PRRX2: variants seen among roughly 807,000 people sequenced by gnomAD.
PRRX2 encodes paired related homeobox 2.
A neutral mutation model predicts 18.0 loss-of-function variants in PRRX2; 11 were observed. The observed-to-expected ratio is 0.61, with a 90% CI of 0.39 to 1.01. The LOEUF (loss-of-function observed/expected upper bound fraction) is 1.01. PRRX2 is among the 50% of genes least tolerant of loss of function. PRRX2 has a pLI of 0.01. For missense variants in PRRX2, 387 were observed against 351.0 expected, an observed-to-expected ratio of 1.10 and a Z score of -0.82; for synonymous variants, 177 against 154.8, an observed-to-expected ratio of 1.14 and a Z score of -1.06.
At chr9:129,677,357 T>C (rs1482211832) in intron 1 of PRRX2, among the ~76,000 whole-genome samples, 1 of 152,218 alleles carries the variant, frequency 6.6e-6, no homozygotes, top group Non-Finnish European at 1.5e-5. Context: ...AAATACGCAG[T>C]GATCCCCAGA....
chr9:129,720,298 G>A (rs556294439), intron 2 of PRRX2, among the ~76,000 whole-genome samples: 1 of 150,274 alleles, frequency 6.7e-6, no homozygotes, highest in South Asian at 2.1e-4. Flanking sequence ...CTCAGCAAGC[G>A]CCTTTCCCCG....
chr9:129,713,563 C>T (rs925420731), intron 1 of PRRX2, among the ~76,000 whole-genome samples: 2 of 152,098 alleles, frequency 1.3e-5, no homozygotes, highest in Non-Finnish European at 2.9e-5. Flanking sequence ...GAGGAGGCCC[C>T]GTGAAGAGGG....
At chr9:129,674,150 G>A (rs1010271041) in intron 1 of PRRX2, among the ~76,000 whole-genome samples, 2 of 152,144 alleles carry the variant, frequency 1.3e-5, no homozygotes, top group African/African-American at 4.8e-5. Flanking sequence ...CTGGGTCCCT[G>A]GTTGCTCTCG....
chr9:129,721,119 G>A (rs1832786289), intron 3 of PRRX2, among the ~76,000 whole-genome samples: 1 of 152,226 alleles, frequency 6.6e-6, no homozygotes, highest in Non-Finnish European at 1.5e-5. Flanking sequence ...GGAGCCGGGA[G>A]AAAACAGGCC....
At chr9:129,704,962 G>A (rs765925446) in intron 1 of PRRX2, among the ~76,000 whole-genome samples, 6 of 152,192 alleles carry the variant, frequency 3.9e-5, no homozygotes, top group African/African-American at 1.4e-4. Flanking sequence ...AACAGTTAAC[G>A]AGGGCAGCTT....
chr9:129,668,634 G>C (rs555549693), intron 1 of PRRX2, among the ~76,000 whole-genome samples: 1 of 151,666 alleles, frequency 6.6e-6, no homozygotes, highest in African/African-American at 2.4e-5. Context: ...AAAATTAGCC[G>C]GGTGTGGTGG....
intron 1 of PRRX2, among the ~76,000 whole-genome samples, chr9:129,699,458 T>C (rs1283302414): frequency 1.3e-5 from 2 of 151,746 alleles, no homozygotes; most frequent in African/African-American, 4.8e-5. Flanking sequence ...TGTGTGTGTG[T>C]GTGTGTGTGT....
At chr9:129,691,331 C>CA (rs57839880) in intron 1 of PRRX2, among the ~76,000 whole-genome samples, 2,754 of 142,278 alleles carry the variant, frequency 0.019, 77 homozygotes, top group African/African-American at 0.066. Flanking sequence ...GCGACTCTGT[C>CA]AAAAAAAAAA....
chr9:129,698,728 C>A (rs1053626037), intron 1 of PRRX2, among the ~76,000 whole-genome samples: 7 of 152,206 alleles, frequency 4.6e-5, no homozygotes, highest in African/African-American at 1.7e-4. Context: ...CATCTGAGGC[C>A]CTATGGGCCC....
In PRRX2 at chr9:129,695,893, C is replaced by G. The variant is rs987642295; in HGVS notation, c.260-23338C>G. ...AACCTCTGCTGTCATGTAAGCAGCT[C>G]AGAAAAAAACACTCTTCTCCCATTT... is the stretch of plus-strand genomic sequence containing the variant. On this transcript the variant is annotated intron_variant, in intron 1 of 3. Coordinates refer to ENST00000372469, the MANE Select transcript of PRRX2 (RefSeq NM_016307.4). The surrounding 1 kb of genome is among the most constrained non-coding windows in gnomAD (Gnocchi z 4.8). Among the ~76,000 whole-genome samples the G allele has an allele frequency of 6.6e-5, 10 of 152,010 alleles. No homozygotes were observed. Among genetic ancestry groups the G allele is most frequent in the Non-Finnish European group, 1.2e-4 (8 of 67,994 alleles).
At chr9:129,666,934 GGCCCCTGAAGTGT>G (rs1252557645) in intron 1 of PRRX2, among the ~76,000 whole-genome samples, 1 of 152,174 alleles carries the variant, frequency 6.6e-6, no homozygotes, top group African/African-American at 2.4e-5. Context: ...GGGGGCTCTG[GGCCCCTGAAGTGT>G]GCCCGCCTGA....
intron 1 of PRRX2, among the ~76,000 whole-genome samples, chr9:129,668,099 G>A (rs1254167554): frequency 1.3e-5 from 2 of 152,184 alleles, no homozygotes; most frequent in Non-Finnish European, 2.9e-5. Flanking sequence ...GAGAGTCCCT[G>A]GGCTCCGCCC....
intron 1 of PRRX2, among the ~76,000 whole-genome samples, chr9:129,673,540 T>A (rs1199615999): frequency 1.3e-5 from 2 of 152,120 alleles, no homozygotes; most frequent in African/African-American, 2.4e-5. Context: ...TGCCCCTATT[T>A]TTCTCATTTT....
At chr9:129,711,540 G>T (rs1366621547) in intron 1 of PRRX2, among the ~76,000 whole-genome samples, 1 of 151,442 alleles carries the variant, frequency 6.6e-6, no homozygotes, top group Non-Finnish European at 1.5e-5. Context: ...CAAGTAGCTG[G>T]GATTATAGGT....
At position 129,705,056 on chromosome 9, in the gene PRRX2, C is replaced by T. The variant is rs540670909; in HGVS notation, c.260-14175C>T. Among the ~76,000 whole-genome samples, 27 of 152,356 alleles carry T rather than the reference C, an allele frequency of 1.8e-4. No homozygotes were observed. In the South Asian group the frequency reaches 4.6e-3, roughly 26 times the overall value. ...CCATCAACCTTAGATTAAAACCAGA[C>T]GGGACAGACATGAACCCCTCTCTTA... is the stretch of plus-strand genomic sequence containing the variant. On this transcript the variant is annotated intron_variant, in intron 1 of 3. Transcript: ENST00000372469.
At chr9:129,720,836 CCGG>C (rs1472703714) in intron 3 of PRRX2, 62 bp downstream of exon 3, 3 of 1,438,698 alleles carry the variant, frequency 2.1e-6, no homozygotes, top group Non-Finnish European at 2.8e-6. Flanking sequence ...GAGGGCTTTT[CCGG>C]CCTGGACTCC....
At chr9:129,676,515 A>G (rs777711927) in intron 1 of PRRX2, among the ~76,000 whole-genome samples, 1 of 152,150 alleles carries the variant, frequency 6.6e-6, no homozygotes, top group African/African-American at 2.4e-5. Flanking sequence ...GACTTGCCCA[A>G]GGTCACACAG....
chr9:129,697,569 C>A (rs1196881066), intron 1 of PRRX2, among the ~76,000 whole-genome samples: 5 of 151,360 alleles, frequency 3.3e-5, no homozygotes, highest in African/African-American at 1.2e-4. Flanking sequence ...CATGGCCGGG[C>A]TGGGCGGCGG....
chr9:129,719,100 G>A, intron 1 of PRRX2, 131 bp from the exon 2 acceptor site: 1 of 816,578 alleles, frequency 1.2e-6, no homozygotes, highest in Non-Finnish European at 1.8e-6. Context: ...AGGAATGAGG[G>A]AGTGAATTAA....
Sources: gnomAD v4.1 joint callset for allele counts (sites outside exome capture counted in the v4.1 genomes callset) on GRCh38, gnomAD v4.1.1 for gene constraint, Gnocchi (gnomAD v3.1) non-coding constraint, MANE v1.5 for transcripts, NCBI Gene and HGNC (gene_info 2026-07-23, HGNC 2026-07-21) for gene names.